Variants in PLEKHH2 observed in about 807,000 individuals in gnomAD.
The protein encoded by PLEKHH2 is pleckstrin homology domain-containing family H member 2.
In PLEKHH2, 129 loss-of-function variants were observed where a neutral mutation model predicts 187.9. The observed-to-expected ratio is 0.69, with a 90% confidence interval of 0.59 to 0.79. The LOEUF (loss-of-function observed/expected upper bound fraction) is 0.79. Ranked by LOEUF, PLEKHH2 falls within the 30% of genes least tolerant of loss-of-function variation. The pLI is 0.00. For synonymous variants in PLEKHH2, 686 were observed against 605.6 expected, an observed-to-expected ratio of 1.13 and a Z score of -1.95; for missense variants, 2,076 against 1,751.2, an observed-to-expected ratio of 1.19 and a Z score of -3.31.
intron 6 of PLEKHH2, among the ~76,000 whole-genome samples, chr2:43,696,468 A>G (rs1024524199): frequency 1.4e-5 from 2 of 147,582 alleles, no homozygotes; most frequent in Non-Finnish European, 3.0e-5. Context: ...AGCCTGGGCA[A>G]CAAAGAGACA....
At chr2:43,718,506 C>G (rs989623517) in intron 15 of PLEKHH2, among the ~76,000 whole-genome samples, 7 of 151,778 alleles carry the variant, frequency 4.6e-5, no homozygotes, top group Non-Finnish European at 8.8e-5. Flanking sequence ...CCACTGCACT[C>G]CAGCCTGGGT....
intron 14 of PLEKHH2, chr2:43,711,336 T>C (rs1307497210): frequency 1.0e-6 from 1 of 985,450 alleles, no homozygotes; most frequent in Non-Finnish European, 1.2e-6. Flanking sequence ...AGGAAAGCTT[T>C]GTCTTTGGGC....
chr2:43,710,714 G>T, intron 14 of PLEKHH2, 139 bp downstream of exon 14: 1 of 1,437,538 alleles, frequency 7.0e-7, no homozygotes. Context: ...TGCCTTGGAA[G>T]TATGTGAAAC....
chr2:43,758,312 G>T (rs1672294636), intron 26 of PLEKHH2, among the ~76,000 whole-genome samples: 1 of 152,114 alleles, frequency 6.6e-6, no homozygotes, highest in African/African-American at 2.4e-5. Flanking sequence ...TAGTGCAATG[G>T]GGTGATCTCG....
At chr2:43,675,573 C>A in intron 2 of PLEKHH2, 1 of 1,613,674 alleles carries the variant, frequency 6.2e-7, no homozygotes, top group African/African-American at 1.3e-5. Context: ...CTTCAATAAG[C>A]TGTGCGATTG....
chr2:43,753,629 T>G lies in PLEKHH2; in HGVS notation c.3664T>G (p.Ser1222Ala), dbSNP rs1672090748. The change falls in exon 25 of 30, where the codon TCA (serine) becomes GCA (alanine). Residue 1222 changes from serine to alanine, a missense_variant. By Grantham distance (99) the Ser-to-Ala change is moderately conservative. Coordinates refer to ENST00000282406, the MANE Select transcript of PLEKHH2 (RefSeq NM_172069.4). ...TCTTTTTTTTTACAGACTATATTTC[T>G]CAGTGCAAGCTCGTGGAGAGACTGA... is the stretch of plus-strand genomic sequence containing the variant. ...RLTYKNRLYF[S>A]VQARGETDRE... The G allele has an allele frequency of 6.7e-7, 1 of 1,483,002 alleles. No individual in the cohort carries two copies. The highest frequency in any genetic ancestry group is 2.5e-5 in the East Asian group (1 of 40,296). The allele number at this position is 1,483,002 out of a possible 1,614,324, so 91.9% of individuals were successfully genotyped here. A position where few individuals can be genotyped will look rare whatever the true frequency, so the allele number is the denominator to read the frequency against.
chr2:43,728,490 A>G (rs1443986359), intron 17 of PLEKHH2, among the ~76,000 whole-genome samples: 2 of 151,006 alleles, frequency 1.3e-5, no homozygotes, highest in African/African-American at 4.9e-5. Flanking sequence ...AAAAAAAAAA[A>G]AAAAAGAAAG....
At chr2:43,710,709 TG>T in intron 14 of PLEKHH2, 134 bp downstream of exon 14, 1 of 1,445,686 alleles carries the variant, frequency 6.9e-7, no homozygotes, top group Non-Finnish European at 9.1e-7. Context: ...TTTGATGCCT[TG>T]GAAGTATGTG....
chr2:43,721,368 C>T (rs969842814), intron 16 of PLEKHH2, among the ~76,000 whole-genome samples: 1 of 152,148 alleles, frequency 6.6e-6, no homozygotes, highest in Non-Finnish European at 1.5e-5. Flanking sequence ...GCCACGAGTA[C>T]TTGTATAACA....
intron 13 of PLEKHH2, 39 bp downstream of exon 13, chr2:43,710,369 C>G: frequency 6.3e-7 from 1 of 1,599,612 alleles, no homozygotes; most frequent in Non-Finnish European, 8.6e-7. Context: ...CGTAATTCCT[C>G]AAACTATAAA....
In PLEKHH2 at chr2:43,743,050, A is replaced by C. The variant is rs893754470; in HGVS notation, c.3399+132A>C. On this transcript the variant is annotated intron_variant, in intron 22 of 29. Coordinates refer to ENST00000282406, the MANE Select transcript of PLEKHH2 (RefSeq NM_172069.4). ...AACATGCAAATATATTAGATTTACTATCAGAACAGCTGAGTTTTGAAACAG... is the reference window on the plus strand; with the variant it reads ...AACATGCAAATATATTAGATTTACTCTCAGAACAGCTGAGTTTTGAAACAG... 1.4e-5 allele frequency: 9 copies of C among 643,190 alleles called. No individual in the cohort carries two copies. The African/African-American group carries it at 1.7e-4, about 12-fold the overall frequency. 39.8% of individuals were successfully genotyped at this position (643,190 alleles called of 1,614,324 possible).
intron 3 of PLEKHH2, chr2:43,681,136 C>A: frequency 1.3e-6 from 1 of 791,756 alleles, no homozygotes; most frequent in South Asian, 1.6e-5. Flanking sequence ...GTCAAGGAGC[C>A]TCCTGCAACA....
At chr2:43,756,091 C>T (rs899896855) in intron 25 of PLEKHH2, among the ~76,000 whole-genome samples, 1 of 152,170 alleles carries the variant, frequency 6.6e-6, no homozygotes, top group African/African-American at 2.4e-5. Flanking sequence ...GAACTTCATG[C>T]TCCAATAAAG....
At chr2:43,740,373 C>T (rs532565364) in intron 20 of PLEKHH2, among the ~76,000 whole-genome samples, 1 of 152,244 alleles carries the variant, frequency 6.6e-6, no homozygotes, top group East Asian at 1.9e-4. Flanking sequence ...GAAGAGAATT[C>T]TGCTGTAACA....
rs775043368 is a variant in PLEKHH2, at chr2:43,731,615, T to C, written c.2943+13T>C. On this transcript the variant is annotated intron_variant, in intron 19 of 29. Transcript: ENST00000282406. The stretch of plus-strand genomic sequence containing the variant: ...TAAATTATTTAAGGTAAAATATTTA[T>C]ATGTTGTTAAATGATTTAAGGTAAA... 6.9e-7 allele frequency: 1 copy of C among 1,453,144 alleles called. No individual in the cohort carries two copies. The highest frequency in any genetic ancestry group is 9.5e-7 in the Non-Finnish European group (1 of 1,051,938). The allele number at this position is 1,453,144 out of a possible 1,614,324, so 90.0% of individuals were successfully genotyped here. A position where few individuals can be genotyped will look rare whatever the true frequency, so the allele number is the denominator to read the frequency against.
chr2:43,653,813 G>C (rs1396414843), intron 2 of PLEKHH2, among the ~76,000 whole-genome samples: 6 of 151,700 alleles, frequency 4.0e-5, no homozygotes, highest in Non-Finnish European at 8.8e-5. Flanking sequence ...CTGAATAAAA[G>C]ACATTTAACT....
intron 2 of PLEKHH2, among the ~76,000 whole-genome samples, chr2:43,669,992 CAG>C (rs1319853183): frequency 1.3e-5 from 2 of 152,116 alleles, no homozygotes; most frequent in African/African-American, 4.8e-5. Context: ...GAAACGTTTA[CAG>C]AACCTTAAAA....
Position 43,699,947 on chromosome 2 carries a change from A to G in PLEKHH2, c.989A>G (p.Asp330Gly), listed in dbSNP as rs751421578. 5.6e-6 allele frequency: 9 copies of G among 1,614,016 alleles called. No individual in the cohort carries two copies. Among genetic ancestry groups the G allele is most frequent in the Middle Eastern group, 1.6e-4 (1 of 6,084 alleles). The change falls in exon 8 of 30, where the codon GAT (aspartate) becomes GGT (glycine). Residue 330 changes from aspartate to glycine, a missense_variant. Asp to Gly is a moderately conservative substitution (Grantham distance 94). Transcript: ENST00000282406. Reference sequence around the variant, plus strand: ...AGTGAAATGTATCTGACAGCATCTGATGACAGCAGCTCTATATTTGAGGAA... The same window carrying G: ...AGTGAAATGTATCTGACAGCATCTGGTGACAGCAGCTCTATATTTGAGGAA... ...MGSEMYLTAS[D>G]DSSSIFEEET... is the part of the protein sequence containing the mutation.
intron 16 of PLEKHH2, among the ~76,000 whole-genome samples, chr2:43,724,421 G>C (rs1012434244): frequency 8.5e-5 from 13 of 152,198 alleles, no homozygotes; most frequent in Non-Finnish European, 1.6e-4. Context: ...TTATAAATCT[G>C]ATGCAGACCG....
Sources: gnomAD v4.1 joint callset for allele counts (sites outside exome capture counted in the v4.1 genomes callset) on GRCh38, gnomAD v4.1.1 for gene constraint, MANE v1.5 for transcripts, NCBI Gene and HGNC (gene_info 2026-07-23, HGNC 2026-07-21) for gene names.